The following RALGAPA2 variants were observed in gnomAD, a reference collection of about 807,000 sequenced individuals.
RALGAPA2 encodes the protein ral GTPase-activating protein subunit alpha-2.
RALGAPA2 carries 139 observed loss-of-function variants against 230.4 expected under a neutral mutation model. That is an observed-to-expected ratio of 0.60 (90% CI 0.53 to 0.69). RALGAPA2 has a LOEUF of 0.69. RALGAPA2 is among the 30% of genes least tolerant of loss of function. The pLI is 0.00. For synonymous variants in RALGAPA2, 847 were observed against 837.8 expected (o/e 1.01, Z -0.19); for missense variants, 2,163 against 2,276.0 (o/e 0.95, Z 1.01).
intron 31 of RALGAPA2, among the ~76,000 whole-genome samples, chr20:20,518,568 T>C (rs2062945028): frequency 6.6e-6 from 1 of 152,206 alleles, no homozygotes; most frequent in African/African-American, 2.4e-5. Flanking sequence ...AGTTAATATG[T>C]CAGTGAATTT....
chr20:20,498,597 C>G lies in RALGAPA2; in HGVS notation c.5209-3322G>C, dbSNP rs901039749. 2.0e-5 allele frequency among the ~76,000 whole-genome samples: 3 copies of G among 152,182 alleles called. No individual in the cohort carries two copies. In the South Asian group the frequency reaches 6.2e-4, roughly 32 times the overall value. Reference sequence around the variant, plus strand: ...TGCTCCTCAGTGGGCCCGGCTGCTACTTTTACTAAGTAACAGTCAGGCCTG... The same window carrying G: ...TGCTCCTCAGTGGGCCCGGCTGCTAGTTTTACTAAGTAACAGTCAGGCCTG... On this transcript the variant is annotated intron_variant, in intron 35 of 39. Coordinates refer to ENST00000202677, the MANE Select transcript of RALGAPA2 (RefSeq NM_020343.4).
chr20:20,654,161 T>A (rs2067504485), intron 3 of RALGAPA2, among the ~76,000 whole-genome samples: 1 of 152,218 alleles, frequency 6.6e-6, no homozygotes, highest in African/African-American at 2.4e-5. Context: ...ATTTGACTTT[T>A]GTAGATTCCA....
At position 20,644,732 on chromosome 20, in the gene RALGAPA2, C is replaced by G. The variant is rs558799166; in HGVS notation, c.329-1183G>C. Among the ~76,000 whole-genome samples, 54 of 152,304 alleles carry G rather than the reference C, an allele frequency of 3.5e-4. No homozygotes were observed. In the Middle Eastern group the frequency reaches 0.01, roughly 29 times the overall value. On this transcript the variant is annotated intron_variant, in intron 4 of 39. Transcript: ENST00000202677. ...GTATCCAGTAATTTTTGGTCTAGAG[C>G]CAACATTTACTAGGCTGGCTCTCTC...
chr20:20,527,564 T>A (rs1472867835), intron 27 of RALGAPA2, among the ~76,000 whole-genome samples: 1 of 151,918 alleles, frequency 6.6e-6, no homozygotes, highest in Non-Finnish European at 1.5e-5. Flanking sequence ...TGGCACAAAA[T>A]GTCATCTCCT....
intron 4 of RALGAPA2, among the ~76,000 whole-genome samples, chr20:20,647,773 G>C (rs545850030): frequency 6.6e-6 from 1 of 151,938 alleles, no homozygotes; most frequent in South Asian, 2.1e-4. Context: ...CAAAGTAATG[G>C]CAAATAAGCA....
intron 10 of RALGAPA2, among the ~76,000 whole-genome samples, chr20:20,628,724 G>A (rs577767993): frequency 6.6e-6 from 1 of 152,232 alleles, no homozygotes; most frequent in African/African-American, 2.4e-5. Context: ...TGTCCCCTAG[G>A]GAGTAGCATC....
intron 37 of RALGAPA2, among the ~76,000 whole-genome samples, chr20:20,456,310 T>C (rs2061117945): frequency 6.6e-6 from 1 of 152,246 alleles, no homozygotes; most frequent in African/African-American, 2.4e-5. Context: ...GAATAACACA[T>C]AGCTTTACCT....
At chr20:20,509,172 GA>G (rs2062626150) in intron 33 of RALGAPA2, among the ~76,000 whole-genome samples, 2 of 152,262 alleles carry the variant, frequency 1.3e-5, no homozygotes, top group South Asian at 4.2e-4. Flanking sequence ...ATCCCTTACA[GA>G]ATTTCCATAG....
chr20:20,496,621 GAT>G (rs2123620489), intron 35 of RALGAPA2, among the ~76,000 whole-genome samples: 1 of 152,284 alleles, frequency 6.6e-6, no homozygotes, highest in Non-Finnish European at 1.5e-5. Flanking sequence ...ATAAAATAGA[GAT>G]GTGTCAAATT....
At chr20:20,671,918 T>C (rs1032961353) in intron 3 of RALGAPA2, among the ~76,000 whole-genome samples, 2 of 151,760 alleles carry the variant, frequency 1.3e-5, no homozygotes, top group African/African-American at 2.4e-5. Flanking sequence ...GACTAAAAAA[T>C]GGTGGGGGAA....
chr20:20,570,471 T>C (rs184973127), intron 23 of RALGAPA2, among the ~76,000 whole-genome samples: 1 of 152,306 alleles, frequency 6.6e-6, no homozygotes, highest in African/African-American at 2.4e-5. Flanking sequence ...AATAAATGAT[T>C]CAAGTTCATT....
intron 38 of RALGAPA2, among the ~76,000 whole-genome samples, chr20:20,401,532 A>C (rs1324064984): frequency 1.3e-5 from 2 of 152,108 alleles, no homozygotes; most frequent in African/African-American, 4.8e-5. Flanking sequence ...ACAACTCAGG[A>C]GTGACCGGGG....
intron 20 of RALGAPA2, 82 bp downstream of exon 20, chr20:20,582,968 C>T (rs1357722285): frequency 5.6e-6 from 8 of 1,434,952 alleles, no homozygotes; most frequent in South Asian, 1.3e-5. Context: ...GTTTCAGAAC[C>T]CTCTGTATAC....
At chr20:20,627,796 T>C (rs17741778) in intron 10 of RALGAPA2, among the ~76,000 whole-genome samples, 7,025 of 152,324 alleles carry the variant, frequency 0.046, 257 homozygotes, top group East Asian at 0.16. Context: ...AAAAATTTGT[T>C]TAATGAAATT....
In RALGAPA2 at chr20:20,617,010, G is replaced by T. The variant is rs6137079; in HGVS notation, c.1540-819C>A. ...ACTATTACTGCTTTGAGTCACTACA[G>T]CAAAATAACGGTGTGTTACCATTTA... is the stretch of plus-strand genomic sequence containing the variant. On this transcript the variant is annotated intron_variant, in intron 12 of 39. Transcript: ENST00000202677. Among the ~76,000 whole-genome samples, 33 of 151,756 alleles carry T rather than the reference G, an allele frequency of 2.2e-4. No individual in the cohort carries two copies. The East Asian group carries it at 4.8e-3, about 22-fold the overall frequency.
chr20:20,671,955 A>G (rs1413666770), intron 3 of RALGAPA2, among the ~76,000 whole-genome samples: 1 of 152,216 alleles, frequency 6.6e-6, no homozygotes, highest in Admixed American at 6.5e-5. Flanking sequence ...GGGAAGAAGA[A>G]AGGAGGCAGA....
intron 23 of RALGAPA2, among the ~76,000 whole-genome samples, chr20:20,565,928 T>C (rs6082051): frequency 0.074 from 11,236 of 152,202 alleles, 571 homozygotes; most frequent in East Asian, 0.16. Flanking sequence ...AGAAAGAGAC[T>C]TCTATGAGGG....
At chr20:20,522,990 A>G (rs2145465574) in intron 30 of RALGAPA2, among the ~76,000 whole-genome samples, 2 of 152,336 alleles carry the variant, frequency 1.3e-5, no homozygotes, top group South Asian at 4.1e-4. Context: ...GAAACCATTT[A>G]AGAATACACA....
At chr20:20,641,923 G>A (rs1247859906) in intron 5 of RALGAPA2, among the ~76,000 whole-genome samples, 2 of 151,448 alleles carry the variant, frequency 1.3e-5, no homozygotes, top group East Asian at 3.9e-4. Context: ...AATACACTAG[G>A]ACAGACACCC....
Sources: gnomAD v4.1 joint callset for allele counts (sites outside exome capture counted in the v4.1 genomes callset) on GRCh38, gnomAD v4.1.1 for gene constraint, MANE v1.5 for transcripts, NCBI Gene and HGNC (gene_info 2026-07-23, HGNC 2026-07-21) for gene names.